DIAPH1: variants seen among roughly 807,000 people sequenced by gnomAD.
DIAPH1 encodes diaphanous related formin 1.
In DIAPH1, 46 loss-of-function variants were observed where a neutral mutation model predicts 140.7. The ratio of observed to expected loss-of-function variants is 0.33; its 90% CI spans 0.26 to 0.42. DIAPH1 has a LOEUF of 0.42. Among genes scored for constraint, DIAPH1 ranks in the 10% least tolerant of loss-of-function variants. The pLI, the probability that DIAPH1 is intolerant of heterozygous loss-of-function variation, is 1.00. For missense variants in DIAPH1, 1,310 were observed against 1,558.7 expected, an observed-to-expected ratio of 0.84 and a Z score of 2.69; for synonymous variants, 565 against 551.6, an observed-to-expected ratio of 1.02 and a Z score of -0.34.
At chr5:141,573,384 G>A (rs1482532483) in intron 16 of DIAPH1, 108 bp downstream of exon 16, 17 of 1,364,916 alleles carry the variant, frequency 1.2e-5, no homozygotes, top group African/African-American at 9.2e-5. Context: ...GCAGTGAGCC[G>A]AGATCGCACC....
At chr5:141,535,940 C>G (rs560368684) in intron 18 of DIAPH1, 48 of 451,714 alleles carry the variant, frequency 1.1e-4, no homozygotes, top group Middle Eastern at 3.3e-4. Context: ...AAAGTATTAC[C>G]TGGTACAAAT....
At chr5:141,581,403 T>G (rs1465609932) in intron 7 of DIAPH1, among the ~76,000 whole-genome samples, 1 of 152,228 alleles carries the variant, frequency 6.6e-6, no homozygotes, top group South Asian at 2.1e-4. Flanking sequence ...AGCAAATTAA[T>G]ACAGGGGTAG....
intron 23 of DIAPH1, 113 bp downstream of exon 23, chr5:141,528,340 T>A: frequency 6.7e-7 from 1 of 1,489,068 alleles, no homozygotes; most frequent in South Asian, 1.2e-5. Flanking sequence ...AAATCCTATC[T>A]CATTTCCACT....
At chr5:141,602,224 T>A (rs573284584) in intron 1 of DIAPH1, among the ~76,000 whole-genome samples, 116 of 147,328 alleles carry the variant, frequency 7.9e-4, no homozygotes, top group African/African-American at 2.6e-3. Context: ...CAAAAAAAAA[T>A]TTTTTTTTTT....
chr5:141,600,090 C>A (rs2099899917), intron 1 of DIAPH1, among the ~76,000 whole-genome samples: 1 of 152,252 alleles, frequency 6.6e-6, no homozygotes, highest in Middle Eastern at 3.4e-3. Context: ...ATCCCATGAA[C>A]CCTTTAAATC....
chr5:141,538,832 T>C (rs2099889497), intron 18 of DIAPH1, among the ~76,000 whole-genome samples: 1 of 152,210 alleles, frequency 6.6e-6, no homozygotes, highest in South Asian at 2.1e-4. Context: ...CTTCCCAAAG[T>C]GCTGGGATTA....
intron 1 of DIAPH1, among the ~76,000 whole-genome samples, chr5:141,617,067 A>G (rs2099902799): frequency 6.6e-6 from 1 of 152,244 alleles, no homozygotes; most frequent in Admixed American, 6.5e-5. Context: ...GGTCACCACA[A>G]GTCAGCAGCA....
intron 27 of DIAPH1, among the ~76,000 whole-genome samples, chr5:141,522,220 C>T (rs1201658689): frequency 6.6e-6 from 1 of 152,188 alleles, no homozygotes; most frequent in Non-Finnish European, 1.5e-5. Flanking sequence ...GAAAGATAAG[C>T]TTATAGGCTA....
intron 18 of DIAPH1, among the ~76,000 whole-genome samples, chr5:141,568,302 A>G (rs941298529): frequency 6.6e-6 from 1 of 152,138 alleles, no homozygotes; most frequent in African/African-American, 2.4e-5. Flanking sequence ...AAAAAAAAAA[A>G]AAAGAAATTT....
intron 18 of DIAPH1, among the ~76,000 whole-genome samples, chr5:141,557,541 A>C (rs1177510272): frequency 6.6e-6 from 1 of 152,172 alleles, no homozygotes; most frequent in African/African-American, 2.4e-5. Context: ...CCAGACAGCT[A>C]AGTGAAAGGG....
intron 14 of DIAPH1, among the ~76,000 whole-genome samples, chr5:141,575,680 A>G (rs1468848081): frequency 1.8e-4 from 28 of 152,072 alleles, no homozygotes. Flanking sequence ...AAAAATGAAA[A>G]TAAAACAAGG....
In DIAPH1 at chr5:141,595,410, T is replaced by C. The variant is rs138532280; in HGVS notation, c.118-7160A>G. 2.5e-3 allele frequency among the ~76,000 whole-genome samples: 387 copies of C among 152,288 alleles called. 3 individuals carry two copies. Among genetic ancestry groups the C allele is most frequent in the Admixed American group, 9.7e-3 (148 of 15,304 alleles). On this transcript the variant is annotated intron_variant, in intron 1 of 27. Coordinates refer to ENST00000389054, the MANE Select transcript of DIAPH1 (RefSeq NM_005219.5). ...TGACAATGGGGGAGGCCATGCGATA[T>C]GGTTTGGCTCTGTGTCCCCACCCAA...
At chr5:141,569,393 G>A in intron 18 of DIAPH1, among the ~76,000 whole-genome samples, 1 of 152,114 alleles carries the variant, frequency 6.6e-6, no homozygotes, top group Non-Finnish European at 1.5e-5. Context: ...GAGAGACTTG[G>A]TAACTGACAC....
chr5:141,582,124 G>A (rs1596387534), intron 7 of DIAPH1, 188 bp downstream of exon 7: 55 of 266,904 alleles, frequency 2.1e-4, no homozygotes, highest in South Asian at 1.0e-3. Context: ...CTCTGAAACA[G>A]AAGTTAGAAC....
At chr5:141,591,610 G>C (rs1596396604) in intron 1 of DIAPH1, among the ~76,000 whole-genome samples, 1 of 147,826 alleles carries the variant, frequency 6.8e-6, no homozygotes, top group East Asian at 2.0e-4. Context: ...CCAAATCTTT[G>C]CATTCCCCAA....
chr5:141,576,644 A>G, intron 13 of DIAPH1, 112 bp downstream of exon 13: 1 of 802,180 alleles, frequency 1.2e-6, no homozygotes, highest in East Asian at 2.6e-5. Flanking sequence ...GGACAAAAAT[A>G]GAACTATCTG....
chr5:141,613,311 G>A (rs967149423), intron 1 of DIAPH1, among the ~76,000 whole-genome samples: 1 of 152,182 alleles, frequency 6.6e-6, no homozygotes, highest in African/African-American at 2.4e-5. Context: ...CCAAGCAATA[G>A]AGAGCCAATT....
At chr5:141,525,531 C>A (rs1255515247) in intron 26 of DIAPH1, among the ~76,000 whole-genome samples, 1 of 152,086 alleles carries the variant, frequency 6.6e-6, no homozygotes. Flanking sequence ...AAGAGGGTGA[C>A]CGGCTCCCCA....
At position 141,564,658 on chromosome 5, in the gene DIAPH1, G is replaced by C. The variant is rs112288952; in HGVS notation, c.2482+6770C>G. ...GCCTGACCTTTGGTGCATAGAGTAA[G>C]AGAATGAAACTCAGACCAAAACAAA... On this transcript the variant is annotated intron_variant, in intron 18 of 27. Coordinates refer to ENST00000389054, the MANE Select transcript of DIAPH1 (RefSeq NM_005219.5). 225 of 152,292 alleles carry C rather than the reference G, an allele frequency of 1.5e-3. 1 individual carries two copies. The highest frequency in any genetic ancestry group is 5.2e-3 in the African/African-American group (216 of 41,564). The allele number at this position is 152,292 out of a possible 1,614,324, so 9.4% of individuals were successfully genotyped here. A position where few individuals can be genotyped will look rare whatever the true frequency, so the allele number is the denominator to read the frequency against.
Sources: allele counts gnomAD v4.1 joint callset (sites outside exome capture counted in the v4.1 genomes callset), GRCh38; gene constraint gnomAD v4.1.1; transcripts MANE v1.5; gene names NCBI Gene and HGNC (gene_info 2026-07-23, HGNC 2026-07-21).